Variants in COL16A1 observed in about 807,000 individuals in gnomAD.
COL16A1 encodes the protein collagen alpha-1(XVI) chain.
A neutral mutation model predicts 266.3 loss-of-function variants in COL16A1; 189 were observed. The ratio of observed to expected loss-of-function variants is 0.71; its 90% CI spans 0.63 to 0.80. The LOEUF (loss-of-function observed/expected upper bound fraction) is 0.80. COL16A1 is among the 30% of genes least tolerant of loss of function. The pLI is 0.00. For missense variants in COL16A1, 1,928 were observed against 2,122.4 expected, an observed-to-expected ratio of 0.91 and a Z score of 1.80; for synonymous variants, 740 against 782.3, an observed-to-expected ratio of 0.95 and a Z score of 0.90.
chr1:31,694,116 G>A, intron 12 of COL16A1, 28 bp downstream of exon 12: 1 of 1,597,930 alleles, frequency 6.3e-7, no homozygotes, highest in South Asian at 1.1e-5. Context: ...AAGAGGACGG[G>A]AATGTCCCGT....
Position 31,661,721 on chromosome 1 carries a change from G to C in COL16A1, c.3682-17C>G, listed in dbSNP as rs1431869694. The C allele has an allele frequency of 6.3e-7, 1 of 1,592,226 alleles. No homozygotes were observed. Among genetic ancestry groups the C allele is most frequent in the Non-Finnish European group, 8.5e-7 (1 of 1,174,348 alleles). On this transcript the variant is annotated splice_polypyrimidine_tract_variant and intron_variant, in intron 58 of 70. Coordinates refer to ENST00000373672, the MANE Select transcript of COL16A1 (RefSeq NM_001856.4). ...AGGGTCCCCCTAGGGAAAGAGACGA[G>C]GAGGATTGAGACAAGAGTTTTGCCC...
At chr1:31,671,545 G>A (rs1030599163) in intron 48 of COL16A1, 70 bp downstream of exon 48, 47 of 1,597,542 alleles carry the variant, frequency 2.9e-5, no homozygotes, top group Middle Eastern at 3.3e-4. Flanking sequence ...ACAAGGCCGC[G>A]GGATGGTGTC....
Position 31,668,040 on chromosome 1 carries a change from G to T in COL16A1, c.3303+125C>A. The stretch of plus-strand genomic sequence containing the variant: ...GGGGCTGCATGGACTTTAGGCAAAG[G>T]AGGAGGCTGAAATGCCCGGTAATGG... On this transcript the variant is annotated intron_variant, in intron 51 of 70. Transcript: ENST00000373672. This position sits in a 1 kb window ranked among gnomAD's most constrained non-coding sequence, Gnocchi z 5.8. 1.3e-6 allele frequency: 1 copy of T among 788,986 alleles called. No individual in the cohort carries two copies. The highest frequency in any genetic ancestry group is 2.6e-5 in the East Asian group (1 of 38,784). 48.9% of individuals were successfully genotyped at this position (788,986 alleles called of 1,614,324 possible).
chr1:31,653,508 G>T, intron 70 of COL16A1, 91 bp downstream of exon 70: 1 of 1,419,520 alleles, frequency 7.0e-7, no homozygotes, highest in South Asian at 1.4e-5. Context: ...TCGTTATTTG[G>T]AGTTTGACAC....
chr1:31,658,145 C>T (rs1310717387), intron 64 of COL16A1, among the ~76,000 whole-genome samples: 3 of 152,242 alleles, frequency 2.0e-5, no homozygotes, highest in African/African-American at 7.2e-5. Context: ...AACAGCACTG[C>T]ATTTCTGGTT....
intron 68 of COL16A1, 141 bp from the exon 69 acceptor site, chr1:31,654,184 G>C: frequency 7.8e-7 from 1 of 1,277,470 alleles, no homozygotes; most frequent in South Asian, 1.5e-5. Flanking sequence ...GGAGTATGGG[G>C]GTGGGTCTCG....
chr1:31,665,713 C>G (rs556120295), intron 54 of COL16A1, 95 bp from the exon 55 acceptor site: 1 of 1,591,794 alleles, frequency 6.3e-7, no homozygotes, highest in South Asian at 1.2e-5. Context: ...CACCCTCAAA[C>G]CCATGGGCTT....
intron 33 of COL16A1, 42 bp downstream of exon 33, chr1:31,683,908 C>G (rs775128363): frequency 5.0e-6 from 8 of 1,613,486 alleles, no homozygotes; most frequent in Non-Finnish European, 6.8e-6. Context: ...CCACCCCTGC[C>G]CTCACGTAGC....
chr1:31,689,136 C>G, intron 23 of COL16A1, 51 bp from the exon 24 acceptor site: 1 of 1,612,096 alleles, frequency 6.2e-7, no homozygotes, highest in Non-Finnish European at 8.5e-7. Flanking sequence ...TGGGGCACCC[C>G]CAAACTCCCT....
rs146757359 is a variant in COL16A1 at position 31,694,545 on chromosome 1, T to A, written c.982-375A>T. On this transcript the variant is annotated intron_variant, in intron 11 of 70. Transcript: ENST00000373672. ...GGGAGCCTAGGAGGTACTCCTGATG[T>A]CCCCCAAAGTCAGGGGGCTTAGAGC... Among the ~76,000 whole-genome samples the A allele has an allele frequency of 1.2e-3, 179 of 152,216 alleles. 1 individual carries two copies. The highest frequency in any genetic ancestry group is 6.8e-3 in the Middle Eastern group (2 of 294).
At chr1:31,654,701 G>A in intron 68 of COL16A1, 91 bp downstream of exon 68, 1 of 1,605,130 alleles carries the variant, frequency 6.2e-7, no homozygotes, top group Non-Finnish European at 8.5e-7. Context: ...GGAGGACATT[G>A]AGCGTTAAGG....
rs536444134 is a variant in COL16A1 at position 31,689,214 on chromosome 1, C to G, written c.1621-129G>C. Reference sequence around the variant, plus strand: ...AAACACCTAGGGGTCCCATGGGGTCCAAGGCCAGCACCCCAGAGGCAGGGT... The same window carrying G: ...AAACACCTAGGGGTCCCATGGGGTCGAAGGCCAGCACCCCAGAGGCAGGGT... On this transcript the variant is annotated intron_variant, in intron 23 of 70. Transcript: ENST00000373672. 1.8e-4 allele frequency: 258 copies of G among 1,447,908 alleles called. 1 individual carries two copies. The East Asian group carries it at 6.2e-3, about 35-fold the overall frequency. 89.7% of individuals were successfully genotyped at this position (1,447,908 alleles called of 1,614,324 possible).
chr1:31,679,633 T>G lies in COL16A1; in HGVS notation c.2771A>C (p.Gln924Pro). ...PPGPPGVPGL[Q>P]GVPGNNGLPG... Reference sequence around the variant, plus strand: ...CCTCATTCTCTTCTCCCCCTTTACCTGCAGCCCAGGTACTCCAGGGGGGCC... The same window carrying G: ...CCTCATTCTCTTCTCCCCCTTTACCGGCAGCCCAGGTACTCCAGGGGGGCC... The change falls in exon 42 of 71, where the codon CAG (glutamine) becomes CCG (proline). Residue 924 changes from glutamine (Q) to proline (P), a missense_variant and splice_region_variant. Physicochemically the swap from Gln to Pro is moderately conservative, Grantham distance 76. This residue lies in a region of COL16A1 where 1,552 missense variants were observed against 1,637.2 expected (regional missense o/e 0.95). Coordinates refer to ENST00000373672, the MANE Select transcript of COL16A1 (RefSeq NM_001856.4). The G allele has an allele frequency of 6.2e-7, 1 of 1,614,222 alleles. No individual in the cohort carries two copies. The highest frequency in any genetic ancestry group is 8.5e-7 in the Non-Finnish European group (1 of 1,180,036).
chr1:31,666,795 A>T lies in COL16A1; in HGVS notation c.3358-714T>A, dbSNP rs150227041. ...GAGGCCTTCCTGCCCCTCCGCTTCG[A>T]TGGTGCCCAAACACCTCTCCAGCCC... On this transcript the variant is annotated intron_variant, in intron 52 of 70. Transcript: ENST00000373672. Among the ~76,000 whole-genome samples the T allele has an allele frequency of 8.7e-3, 1,323 of 151,956 alleles. 7 individuals carry two copies. The highest frequency in any genetic ancestry group is 0.015 in the Non-Finnish European group (992 of 67,888).
At position 31,685,794 on chromosome 1, in the gene COL16A1, A is replaced by T; in HGVS notation, c.1885-24T>A. 6.2e-7 allele frequency: 1 copy of T among 1,612,362 alleles called. No individual in the cohort carries two copies. The highest frequency in any genetic ancestry group is 8.5e-7 in the Non-Finnish European group (1 of 1,178,990). ...CCCTGCCAAGCAAGGACATTGAGTT[A>T]GGGGGTCCCCCAGGCCCTAGTGCAC... On this transcript the variant is annotated intron_variant, in intron 28 of 70. Coordinates refer to ENST00000373672, the MANE Select transcript of COL16A1 (RefSeq NM_001856.4). This position sits in a 1 kb window ranked among gnomAD's most constrained non-coding sequence, Gnocchi z 4.0.
intron 2 of COL16A1, chr1:31,701,623 T>C (rs2148839015): frequency 1.0e-6 from 1 of 952,672 alleles, no homozygotes; most frequent in East Asian, 1.2e-4. Context: ...TTATTAGAGA[T>C]TCAGGGCCAG....
Position 31,696,942 on chromosome 1 carries a change from C to A in COL16A1, c.864+21G>T, listed in dbSNP as rs11591209. On this transcript the variant is annotated intron_variant, in intron 8 of 70. Transcript: ENST00000373672. ...CACTTGTGCCTGCCTGTGCTGGCAT[C>A]CACCTGTCCTGCCCACCCACCTCGC... 3.7e-6 allele frequency: 6 copies of A among 1,613,182 alleles called. No individual in the cohort carries two copies. In the East Asian group the frequency reaches 8.9e-5, roughly 24 times the overall value.
At position 31,692,499 on chromosome 1, in the gene COL16A1, C is replaced by T. The variant is rs1340890934; in HGVS notation, c.1169G>A (p.Gly390Glu). Residue 390 changes from glycine to glutamate, a missense_variant, in exon 16 of 71, where the codon GGA (glycine) becomes GAA (glutamate). By Grantham distance (98) the Gly-to-Glu change is moderately conservative. Coordinates refer to ENST00000373672, the MANE Select transcript of COL16A1 (RefSeq NM_001856.4). ...KGESGALGPS[G>E]LPGSTGEKGQ... is the part of the protein sequence containing the mutation. The stretch of plus-strand genomic sequence containing the variant: ...CTTCTCGCCTGTTGAGCCTGGGAGT[C>T]CTGAGGGTCCCTGAGATGAGGAAGG... 2 of 1,613,790 alleles carry T rather than the reference C, an allele frequency of 1.2e-6. No homozygotes were observed. Among genetic ancestry groups the T allele is most frequent in the Non-Finnish European group, 1.7e-6 (2 of 1,179,804 alleles).
chr1:31,689,790 G>C lies in COL16A1; in HGVS notation c.1571C>G (p.Pro524Arg). 5 of 1,614,142 alleles carry C rather than the reference G, an allele frequency of 3.1e-6. No homozygotes were observed. The highest frequency in any genetic ancestry group is 2.5e-6 in the Non-Finnish European group (3 of 1,180,012). ...CTCCCCTTTGGGCCCTGGCTTTCCA[G>C]GAAGTCCAACAAAGTTCTGGAACCC... is the stretch of plus-strand genomic sequence containing the variant. Reference protein sequence around the residue: ...PEGFQNFVGLPGKPGPKGEPG... With the variant: ...PEGFQNFVGLRGKPGPKGEPG... The change falls in exon 23 of 71, where the codon CCT becomes CGT. Residue 524 changes from proline to arginine, a missense_variant. Coordinates refer to ENST00000373672, the MANE Select transcript of COL16A1 (RefSeq NM_001856.4).
Sources: allele counts gnomAD v4.1 joint callset (sites outside exome capture counted in the v4.1 genomes callset), GRCh38; gene constraint gnomAD v4.1.1; regional missense constraint gnomAD v4.1.1; non-coding constraint Gnocchi (gnomAD v3.1); transcripts MANE v1.5; gene names NCBI Gene and HGNC (gene_info 2026-07-23, HGNC 2026-07-21).